POLN: variants seen among roughly 807,000 people sequenced by gnomAD.
POLN encodes DNA polymerase nu, also known as DNA polymerase N.
Under a neutral mutation model 113.5 loss-of-function variants are expected in POLN, and 108 were observed. The observed-to-expected ratio is 0.95, with a 90% CI of 0.81 to 1.12. The LOEUF (loss-of-function observed/expected upper bound fraction) is 1.12. Among genes scored for constraint, POLN ranks in the 50% most tolerant of loss-of-function variants. The probability of loss-of-function intolerance (pLI) is 0.00; values close to 1 mark genes in which losing one functional copy is unlikely to be tolerated. For missense variants in POLN, 1,097 were observed against 1,077.1 expected (o/e 1.02, Z -0.26); for synonymous variants, 386 against 391.5 (o/e 0.99, Z 0.17).
intron 19 of POLN, among the ~76,000 whole-genome samples, chr4:2,103,276 G>A (rs1306952836): frequency 1.3e-5 from 2 of 151,756 alleles, no homozygotes; most frequent in South Asian, 2.1e-4. Flanking sequence ...CAACTAAACC[G>A]ACTTTCTGGA....
chr4:2,073,762 G>A lies in POLN; in HGVS notation c.2456-733C>T, dbSNP rs73796702. Among the ~76,000 whole-genome samples, 617 of 152,368 alleles carry A rather than the reference G, an allele frequency of 4.0e-3. 2 individuals are homozygous for A. The highest frequency in any genetic ancestry group is 0.014 in the African/African-American group (583 of 41,588). On this transcript the variant is annotated intron_variant, in intron 24 of 25. Transcript: ENST00000511885. Reference sequence around the variant, plus strand: ...AAGATGGCGGCAGGAGCCCCAAGCCGTGGTGGGCGCCACCTCACTTTCCAG... The same window carrying A: ...AAGATGGCGGCAGGAGCCCCAAGCCATGGTGGGCGCCACCTCACTTTCCAG...
chr4:2,176,622 C>T (rs1182087921), intron 8 of POLN, among the ~76,000 whole-genome samples: 1 of 152,168 alleles, frequency 6.6e-6, no homozygotes, highest in African/African-American at 2.4e-5. Flanking sequence ...CACAAAGAAG[C>T]TTAATGTCTC....
chr4:2,079,062 T>C (rs1183456284), intron 23 of POLN: 8 of 346,250 alleles, frequency 2.3e-5, no homozygotes, highest in Non-Finnish European at 2.8e-5. Context: ...CCTGAGTAGC[T>C]GGGACTACAG....
At chr4:2,227,195 A>G (rs1734419890) in intron 3 of POLN, among the ~76,000 whole-genome samples, 1 of 152,246 alleles carries the variant, frequency 6.6e-6, no homozygotes, top group Non-Finnish European at 1.5e-5. Flanking sequence ...GTGAGCTGCC[A>G]TATTGTAGGT....
intron 13 of POLN, among the ~76,000 whole-genome samples, chr4:2,169,540 GT>G (rs1732809432): frequency 6.6e-6 from 1 of 152,136 alleles, no homozygotes; most frequent in African/African-American, 2.4e-5. Flanking sequence ...GTCTGGCACG[GT>G]CCTAAGTGCT....
At chr4:2,145,937 T>G (rs1233448083) in intron 16 of POLN, among the ~76,000 whole-genome samples, 1 of 152,166 alleles carries the variant, frequency 6.6e-6, no homozygotes, top group East Asian at 1.9e-4. Flanking sequence ...AGATGAATAA[T>G]TTAGAGCTAC....
chr4:2,128,338 T>C (rs1176859036), intron 18 of POLN, 111 bp from the exon 19 acceptor site: 1 of 639,430 alleles, frequency 1.6e-6, no homozygotes, highest in Non-Finnish European at 2.7e-6. Flanking sequence ...TCAAGGTCCA[T>C]GTCCCTGCCT....
At chr4:2,146,229 G>A (rs1732134801) in intron 16 of POLN, among the ~76,000 whole-genome samples, 1 of 152,242 alleles carries the variant, frequency 6.6e-6, no homozygotes, top group African/African-American at 2.4e-5. Context: ...AAGTAGGCCA[G>A]GCGTGGTGGC....
At chr4:2,241,053 G>A in intron 2 of POLN, 1 of 784,338 alleles carries the variant, frequency 1.3e-6, no homozygotes, top group Non-Finnish European at 2.0e-6. Context: ...CAAGTCCACA[G>A]AGAAGGGAAA....
At chr4:2,188,455 G>A (rs1270814976) in intron 7 of POLN, among the ~76,000 whole-genome samples, 2 of 152,052 alleles carry the variant, frequency 1.3e-5, no homozygotes, top group Admixed American at 6.6e-5. Context: ...AAAAAAATTA[G>A]CCGGGCCTGG....
At chr4:2,138,666 T>C (rs977479206) in intron 16 of POLN, among the ~76,000 whole-genome samples, 1 of 151,718 alleles carries the variant, frequency 6.6e-6, no homozygotes, top group African/African-American at 2.4e-5. Flanking sequence ...CTTTGAGAGG[T>C]TGAGGTGGGC....
At chr4:2,229,326 T>G (rs1734494596) in intron 2 of POLN, 83 bp from the exon 3 acceptor site, 3 of 1,087,594 alleles carry the variant, frequency 2.8e-6, no homozygotes, top group Non-Finnish European at 3.8e-6. Context: ...TTTCAAAAAT[T>G]TATATACCAA....
At chr4:2,089,807 C>A (rs967755822) in intron 20 of POLN, 1 of 811,984 alleles carries the variant, frequency 1.2e-6, no homozygotes, top group Non-Finnish European at 2.0e-6. Context: ...GAAGCACATT[C>A]AGATGGATGA....
chr4:2,240,267 T>C lies in POLN; in HGVS notation c.-13+1253A>G, dbSNP rs375944420. 1.2e-5 allele frequency: 20 copies of C among 1,613,722 alleles called. No individual in the cohort carries two copies. Among genetic ancestry groups the C allele is most frequent in the Non-Finnish European group, 1.7e-5 (20 of 1,179,784 alleles). ...TTCATTTGAACTTTCAACTACTTCA[T>C]GTATACCCTGAAAGAACTGTTTTTT... On this transcript the variant is annotated intron_variant, in intron 2 of 25. Transcript: ENST00000511885.
intron 3 of POLN, among the ~76,000 whole-genome samples, chr4:2,216,370 G>A (rs977344787): frequency 2.0e-5 from 3 of 152,202 alleles, no homozygotes; most frequent in African/African-American, 4.8e-5. Flanking sequence ...TTGGTTCCCA[G>A]ACCCATTTAT....
At chr4:2,161,517 G>C (rs1034503140) in intron 13 of POLN, among the ~76,000 whole-genome samples, 1 of 152,218 alleles carries the variant, frequency 6.6e-6, no homozygotes, top group Non-Finnish European at 1.5e-5. Flanking sequence ...GGTAGGGCTC[G>C]GGACCTGCAA....
Position 2,098,916 on chromosome 4 carries a change from G to A in POLN, c.1983-2983C>T, listed in dbSNP as rs567090298. Reference sequence around the variant, plus strand: ...AATGTGTGTGCACATGCACGTGCGTGCGCACACACACACACACACACACAC... The same window carrying A: ...AATGTGTGTGCACATGCACGTGCGTACGCACACACACACACACACACACAC... On this transcript the variant is annotated intron_variant, in intron 19 of 25. Transcript: ENST00000511885. Among the ~76,000 whole-genome samples, 36 of 48,138 alleles carry A rather than the reference G, an allele frequency of 7.5e-4. No individual in the cohort carries two copies. In the East Asian group the frequency reaches 0.033, roughly 44 times the overall value. The allele number at this position is 48,138 out of a possible 152,430, so 31.6% of individuals were successfully genotyped here. A position where few individuals can be genotyped will look rare whatever the true frequency, so the allele number is the denominator to read the frequency against.
intron 3 of POLN, among the ~76,000 whole-genome samples, chr4:2,225,771 C>A (rs1224774947): frequency 6.6e-6 from 1 of 151,962 alleles, no homozygotes; most frequent in Non-Finnish European, 1.5e-5. Flanking sequence ...GAGGCTGAGG[C>A]AGGAGAATCG....
chr4:2,080,983 C>T lies in POLN; in HGVS notation c.2362G>A (p.Ala788Thr). ...LAMIHVFTAV[A>T]ASHTLTARLV... is the part of the protein sequence containing the mutation. Reference sequence around the variant, plus strand: ...CTGGCCGTCAAGGTGTGGGAAGCAGCCACTGCAGTGAAGACATGGATCATG... The same window carrying T: ...CTGGCCGTCAAGGTGTGGGAAGCAGTCACTGCAGTGAAGACATGGATCATG... The change falls in exon 23 of 26, where the codon GCT (alanine) becomes ACT (threonine). Residue 788 changes from alanine to threonine, a missense_variant. Coordinates refer to ENST00000511885, the MANE Select transcript of POLN (RefSeq NM_181808.4). The T allele has an allele frequency of 6.2e-7, 1 of 1,613,886 alleles. No homozygotes were observed. Among genetic ancestry groups the T allele is most frequent in the Non-Finnish European group, 8.5e-7 (1 of 1,179,966 alleles).
Sources: gnomAD v4.1 joint callset for allele counts (sites outside exome capture counted in the v4.1 genomes callset) on GRCh38, gnomAD v4.1.1 for gene constraint, MANE v1.5 for transcripts, NCBI Gene and HGNC (gene_info 2026-07-23, HGNC 2026-07-21) for gene names.